The following LHFPL3 variants were observed in gnomAD, a reference collection of about 807,000 sequenced individuals.
The protein encoded by LHFPL3 is LHFPL tetraspan subfamily member 3 protein.
Under a neutral mutation model 19.3 loss-of-function variants are expected in LHFPL3, and 5 were observed. The ratio of observed to expected loss-of-function variants is 0.26; its 90% CI spans 0.14 to 0.54. The LOEUF (loss-of-function observed/expected upper bound fraction) is 0.54, where lower values mean the gene tolerates loss of function less well. LHFPL3 is among the 20% of genes least tolerant of loss of function. LHFPL3 has a pLI of 0.94. For synonymous variants in LHFPL3, 133 were observed against 126.2 expected (o/e 1.05, Z -0.36); for missense variants, 249 against 307.4 (o/e 0.81, Z 1.42).
At chr7:104,330,879 C>T (rs1199394963) in intron 1 of LHFPL3, among the ~76,000 whole-genome samples, 1 of 152,128 alleles carries the variant, frequency 6.6e-6, no homozygotes, top group East Asian at 1.9e-4. Context: ...TTGAAGAGGA[C>T]ACACACATGC....
At chr7:104,461,233 C>T (rs974779259) in intron 1 of LHFPL3, among the ~76,000 whole-genome samples, 7 of 152,292 alleles carry the variant, frequency 4.6e-5, no homozygotes, top group Admixed American at 2.6e-4. Context: ...CTCACTATTA[C>T]GAGAACCGTG....
chr7:104,637,844 T>TA (rs1791757115), intron 1 of LHFPL3, among the ~76,000 whole-genome samples: 3 of 149,298 alleles, frequency 2.0e-5, no homozygotes, highest in Non-Finnish European at 3.0e-5. Context: ...TTTTTTTTTT[T>TA]AGCTTTTTTT....
intron 1 of LHFPL3, among the ~76,000 whole-genome samples, chr7:104,606,063 G>A (rs1159942225): frequency 6.6e-6 from 1 of 152,052 alleles, no homozygotes; most frequent in Non-Finnish European, 1.5e-5. Context: ...GTCTCATTAT[G>A]TTGCCCAGGC....
chr7:104,803,655 A>G (rs767460549), intron 2 of LHFPL3: 6 of 152,226 alleles, frequency 3.9e-5, no homozygotes, highest in Non-Finnish European at 8.8e-5. Context: ...TATAAGGAAG[A>G]CTTGGTTTCA....
intron 1 of LHFPL3, among the ~76,000 whole-genome samples, chr7:104,531,154 A>G (rs1794287068): frequency 6.6e-6 from 1 of 152,188 alleles, no homozygotes; most frequent in African/African-American, 2.4e-5. Context: ...TTTAATGACA[A>G]TTATTGCATC....
At chr7:104,624,239 T>A (rs1791503592) in intron 1 of LHFPL3, among the ~76,000 whole-genome samples, 1 of 152,194 alleles carries the variant, frequency 6.6e-6, no homozygotes, top group Non-Finnish European at 1.5e-5. Flanking sequence ...CTCCAAAACA[T>A]TCAGGATGTA....
chr7:104,786,246 G>A (rs34557807), intron 2 of LHFPL3, among the ~76,000 whole-genome samples: 23,060 of 152,128 alleles, frequency 0.15, 2,146 homozygotes, highest in East Asian at 0.45. Context: ...TCAGCGACCC[G>A]CTTGGAAAGA....
At chr7:104,791,163 T>C (rs553486813) in intron 2 of LHFPL3, among the ~76,000 whole-genome samples, 2 of 152,318 alleles carry the variant, frequency 1.3e-5, no homozygotes, top group South Asian at 2.1e-4. Context: ...GTTATCACCA[T>C]TGTGTGTTCT....
chr7:104,586,767 G>A (rs1029382201), intron 1 of LHFPL3, among the ~76,000 whole-genome samples: 2 of 152,086 alleles, frequency 1.3e-5, no homozygotes, highest in Non-Finnish European at 2.9e-5. Flanking sequence ...CAATAAACAG[G>A]TGTGTGTCTT....
intron 1 of LHFPL3, among the ~76,000 whole-genome samples, chr7:104,436,086 G>C (rs1161446179): frequency 6.6e-6 from 1 of 152,074 alleles, no homozygotes; most frequent in Non-Finnish European, 1.5e-5. Context: ...CCATATGGGA[G>C]CCCCTAGCCC....
At chr7:104,565,514 G>C (rs1790101516) in intron 1 of LHFPL3, among the ~76,000 whole-genome samples, 1 of 152,212 alleles carries the variant, frequency 6.6e-6, no homozygotes, top group African/African-American at 2.4e-5. Flanking sequence ...AGAGAGAAGA[G>C]AAGGAATTGA....
chr7:104,880,717 T>C (rs1052558737), intron 2 of LHFPL3, among the ~76,000 whole-genome samples: 1 of 152,060 alleles, frequency 6.6e-6, no homozygotes, highest in Admixed American at 6.6e-5. Flanking sequence ...TTTCAAAATA[T>C]TACTGTTCAT....
At chr7:104,517,920 A>G (rs962111161) in intron 1 of LHFPL3, among the ~76,000 whole-genome samples, 1 of 152,152 alleles carries the variant, frequency 6.6e-6, no homozygotes, top group African/African-American at 2.4e-5. Flanking sequence ...AATGTAGGTG[A>G]TGGGTTGATG....
chr7:104,343,512 C>CAAAAAAAAAAAAAAAAAAAAA (rs536122769), intron 1 of LHFPL3, among the ~76,000 whole-genome samples: 3 of 47,474 alleles, frequency 6.3e-5, no homozygotes, highest in African/African-American at 7.5e-5. Context: ...GACTCTGTCT[C>CAAAAAAAAAAAAAAAAAAAAA]AAAAAAAAAA....
At chr7:104,476,744 G>T (rs1040546619) in intron 1 of LHFPL3, among the ~76,000 whole-genome samples, 6 of 152,130 alleles carry the variant, frequency 3.9e-5, no homozygotes, top group African/African-American at 1.2e-4. Context: ...ACAGGCATGA[G>T]CCACCACGCC....
chr7:104,386,304 G>C (rs993852109), intron 1 of LHFPL3, among the ~76,000 whole-genome samples: 1 of 152,156 alleles, frequency 6.6e-6, no homozygotes, highest in African/African-American at 2.4e-5. Flanking sequence ...TATCTGACCT[G>C]ACTTGGAGCT....
chr7:104,758,414 A>T (rs568630073), intron 2 of LHFPL3, among the ~76,000 whole-genome samples: 2 of 152,284 alleles, frequency 1.3e-5, no homozygotes, highest in Admixed American at 1.3e-4. Context: ...CTATACATGA[A>T]AATCAATAAA....
chr7:104,858,676 C>T (rs929620862), intron 2 of LHFPL3, among the ~76,000 whole-genome samples: 7 of 152,130 alleles, frequency 4.6e-5, no homozygotes, highest in Non-Finnish European at 7.4e-5. Flanking sequence ...CAAATCTTTT[C>T]TTTATTTTCA....
intron 1 of LHFPL3, among the ~76,000 whole-genome samples, chr7:104,540,750 G>A (rs60574252): frequency 1.3e-5 from 2 of 152,254 alleles, no homozygotes; most frequent in East Asian, 3.9e-4. Flanking sequence ...GGGAAACTGA[G>A]GAAGTTTGTG....
Sources: gnomAD v4.1 joint callset for allele counts (sites outside exome capture counted in the v4.1 genomes callset) on GRCh38, gnomAD v4.1.1 for gene constraint, MANE v1.5 for transcripts, NCBI Gene and HGNC (gene_info 2026-07-23, HGNC 2026-07-21) for gene names.